Variants in FAM149A observed in about 807,000 individuals in gnomAD.
The protein encoded by FAM149A is protein FAM149A.
FAM149A carries 71 observed loss-of-function variants against 78.2 expected under a neutral mutation model. That is an observed-to-expected ratio of 0.91 (90% CI 0.75 to 1.11). The LOEUF (loss-of-function observed/expected upper bound fraction) is 1.11. FAM149A is among the 50% of genes least tolerant of loss of function. FAM149A has a pLI of 0.00. For synonymous variants in FAM149A, 446 were observed against 410.5 expected (o/e 1.09, Z -1.04); for missense variants, 1,036 against 971.0 (o/e 1.07, Z -0.89).
chr4:186,168,395 G>A (rs770101576), intron 13 of FAM149A, among the ~76,000 whole-genome samples: 17 of 152,256 alleles, frequency 1.1e-4, no homozygotes, highest in Non-Finnish European at 1.8e-4. Flanking sequence ...TCACTGCGAC[G>A]CCCAGGCTGG....
chr4:186,165,655 A>C (rs568291287), intron 11 of FAM149A, among the ~76,000 whole-genome samples, 191 bp downstream of exon 11: 11 of 152,356 alleles, frequency 7.2e-5, no homozygotes, highest in Middle Eastern at 3.4e-3. Context: ...TGAGAGGCTT[A>C]ATTCACCGTT....
chr4:186,116,789 G>A (rs1402427010), intron 1 of FAM149A: 1 of 980,634 alleles, frequency 1.0e-6, no homozygotes, highest in Non-Finnish European at 1.2e-6. Flanking sequence ...TTTTTTTGCT[G>A]TGTGTTTAAA....
chr4:186,158,846 A>G, intron 8 of FAM149A: 1 of 986,228 alleles, frequency 1.0e-6, no homozygotes, highest in Non-Finnish European at 1.2e-6. Context: ...GAGCGGTCTC[A>G]AGCTGTTCTT....
At chr4:186,113,604 C>T (rs1209409059) in intron 1 of FAM149A, among the ~76,000 whole-genome samples, 3 of 144,758 alleles carry the variant, frequency 2.1e-5, no homozygotes, top group East Asian at 4.1e-4. Flanking sequence ...TCTTTGTTCT[C>T]GTTGGTTTCA....
intron 1 of FAM149A, among the ~76,000 whole-genome samples, chr4:186,129,748 A>G (rs1025223055): frequency 6.6e-6 from 1 of 152,242 alleles, no homozygotes; most frequent in Non-Finnish European, 1.5e-5. Context: ...GCTGCAAGCA[A>G]CGACTCTGTA....
intron 1 of FAM149A, chr4:186,110,386 T>C: frequency 1.2e-6 from 1 of 829,294 alleles, no homozygotes; most frequent in South Asian, 5.8e-5. Context: ...CATATAAGCG[T>C]TACTTTCTTT....
chr4:186,137,182 T>C, intron 1 of FAM149A, among the ~76,000 whole-genome samples: 1 of 151,990 alleles, frequency 6.6e-6, no homozygotes, highest in East Asian at 1.9e-4. Flanking sequence ...GCTAAACTTT[T>C]AAAGCTAGAC....
At chr4:186,157,777 GT>G (rs1190196357) in intron 8 of FAM149A, 58 bp downstream of exon 8, 1 of 1,573,418 alleles carries the variant, frequency 6.4e-7, no homozygotes, top group African/African-American at 1.3e-5. Context: ...TGTCACCTCA[GT>G]TTGTCGTTCT....
chr4:186,126,220 A>C (rs551678319), intron 1 of FAM149A: 5 of 420,368 alleles, frequency 1.2e-5, no homozygotes, highest in African/African-American at 8.6e-5. Context: ...ATACCTTGAC[A>C]TACTTGCCCT....
At chr4:186,136,976 T>TCTCTCTTTCTCTCTCTCTCTC (rs2099323291) in intron 1 of FAM149A, among the ~76,000 whole-genome samples, 10 of 72,110 alleles carry the variant, frequency 1.4e-4, no homozygotes, top group African/African-American at 6.1e-4. Flanking sequence ...CTCTCTCTCT[T>TCTCTCTTTCTCTCTCTCTCTC]TCTCTCTCTC....
chr4:186,152,607 C>T (rs572297470), intron 4 of FAM149A, among the ~76,000 whole-genome samples: 55 of 133,524 alleles, frequency 4.1e-4, no homozygotes, highest in Non-Finnish European at 4.3e-4. Context: ...TGCAGTGGCG[C>T]GATCTCAGCT....
intron 1 of FAM149A, among the ~76,000 whole-genome samples, chr4:186,115,393 C>T (rs2099313077): frequency 6.7e-6 from 1 of 149,816 alleles, no homozygotes; most frequent in African/African-American, 2.5e-5. Context: ...CTTCTCTCAG[C>T]TCGTCAAAGT....
chr4:186,151,641 C>G (rs941601432), intron 3 of FAM149A: 3 of 778,106 alleles, frequency 3.9e-6, no homozygotes, highest in Non-Finnish European at 4.7e-6. Flanking sequence ...TCTATCTATG[C>G]AAATTCTTGA....
Position 186,164,613 on chromosome 4 carries a change from C to T in FAM149A, c.1890-731C>T, listed in dbSNP as rs928770173. ...GATTCCTTCGAGATCCCTCTCCCTC[C>T]TCCGCCTCGCTTCCCCCCATGCCAG... On this transcript the variant is annotated intron_variant, in intron 10 of 13. Transcript: ENST00000389354. The surrounding 1 kb of genome is among the most constrained non-coding windows in gnomAD (Gnocchi z 4.0). The T allele has an allele frequency of 7.4e-6, 3 of 406,534 alleles. No individual in the cohort carries two copies. Among genetic ancestry groups the T allele is most frequent in the African/African-American group, 6.5e-5 (3 of 46,066 alleles). 25.2% of individuals were successfully genotyped at this position (406,534 alleles called of 1,614,324 possible).
intron 13 of FAM149A, chr4:186,167,658 C>T (rs191994606): frequency 3.2e-6 from 1 of 308,530 alleles, no homozygotes; most frequent in East Asian, 7.8e-5. Context: ...AAAATTAACA[C>T]AGATTTGCTA....
intron 1 of FAM149A, chr4:186,117,760 G>C: frequency 1.2e-6 from 1 of 827,962 alleles, no homozygotes; most frequent in Non-Finnish European, 1.5e-6. Flanking sequence ...CACTTTAGGA[G>C]GGTTGAGCTA....
At chr4:186,165,107 G>A (rs894728284) in intron 10 of FAM149A, among the ~76,000 whole-genome samples, 3 of 152,034 alleles carry the variant, frequency 2.0e-5, no homozygotes, top group Non-Finnish European at 4.4e-5. Context: ...CCAGCTCTGC[G>A]TCTTCTCACC....
rs970388025 is a variant in FAM149A at position 186,155,006 on chromosome 4, A to G, written c.1229+368A>G. ...GAGACGGAGTCTCGCTCTGTCGCCC[A>G]GGCTAGAGTGCAGCCGTGCGAGCTC... On this transcript the variant is annotated intron_variant, in intron 6 of 13. Coordinates refer to ENST00000389354, the MANE Select transcript of FAM149A (RefSeq NM_001367768.3). 11 of 927,464 alleles carry G rather than the reference A, an allele frequency of 1.2e-5. No homozygotes were observed. In the African/African-American group the frequency reaches 1.8e-4, roughly 15 times the overall value. 57.5% of individuals were successfully genotyped at this position (927,464 alleles called of 1,614,324 possible).
intron 1 of FAM149A, among the ~76,000 whole-genome samples, chr4:186,108,546 C>T (rs1309181119): frequency 6.7e-6 from 1 of 149,810 alleles, no homozygotes; most frequent in African/African-American, 2.4e-5. Context: ...ATCTCTGACC[C>T]AAGAATTCCG....
Sources: gnomAD v4.1 joint callset for allele counts (sites outside exome capture counted in the v4.1 genomes callset) on GRCh38, gnomAD v4.1.1 for gene constraint, Gnocchi (gnomAD v3.1) non-coding constraint, MANE v1.5 for transcripts, NCBI Gene and HGNC (gene_info 2026-07-23, HGNC 2026-07-21) for gene names.